TMEM135: variants seen among roughly 807,000 people sequenced by gnomAD.
The protein encoded by TMEM135 is transmembrane protein 135.
TMEM135 carries 30 observed loss-of-function variants against 60.3 expected under a neutral mutation model. That is an observed-to-expected ratio of 0.50 (90% CI 0.37 to 0.68). TMEM135 has a LOEUF of 0.68. Among genes scored for constraint, TMEM135 ranks in the 30% least tolerant of loss-of-function variants. The pLI is 0.00. For missense variants in TMEM135, 468 were observed against 548.8 expected, an observed-to-expected ratio of 0.85 and a Z score of 1.47; for synonymous variants, 190 against 186.7, an observed-to-expected ratio of 1.02 and a Z score of -0.14.
At chr11:87,311,211 G>A (rs1164493978) in intron 10 of TMEM135, among the ~76,000 whole-genome samples, 2 of 145,220 alleles carry the variant, frequency 1.4e-5, no homozygotes, top group East Asian at 4.3e-4. Flanking sequence ...GGGTAACATG[G>A]ACAGTGTTGT....
intron 6 of TMEM135, among the ~76,000 whole-genome samples, chr11:87,251,732 G>C (rs1008742090): frequency 1.3e-5 from 2 of 152,014 alleles, no homozygotes; most frequent in Non-Finnish European, 2.9e-5. Context: ...GTGACTCACT[G>C]ATGGCTAACA....
rs1248110331 is a variant in TMEM135 at position 87,246,641 on chromosome 11, T to C, written c.509+9957T>C. ...TGATACCCTTTTTTCCAGTTGATTGTGTCGGCTCCTGAGGCTTCTGCATTC... is the reference window on the plus strand; with the variant it reads ...TGATACCCTTTTTTCCAGTTGATTGCGTCGGCTCCTGAGGCTTCTGCATTC... On this transcript the variant is annotated intron_variant, in intron 6 of 14. Transcript: ENST00000305494. 4.0e-5 allele frequency among the ~76,000 whole-genome samples: 6 copies of C among 150,602 alleles called. No individual in the cohort carries two copies. The East Asian group carries it at 9.7e-4, about 24-fold the overall frequency.
chr11:87,231,949 A>G (rs1940897645), intron 5 of TMEM135, among the ~76,000 whole-genome samples: 2 of 149,874 alleles, frequency 1.3e-5, no homozygotes, highest in South Asian at 4.2e-4. Context: ...TAGAGAGAAA[A>G]GAGACTTTTT....
intron 6 of TMEM135, among the ~76,000 whole-genome samples, chr11:87,291,637 G>T (rs1942266061): frequency 7.2e-6 from 1 of 139,688 alleles, no homozygotes; most frequent in Non-Finnish European, 1.5e-5. Flanking sequence ...CACCTCCCCA[G>T]TTCCAGCGAT....
At chr11:87,167,189 C>G (rs1039497183) in intron 5 of TMEM135, among the ~76,000 whole-genome samples, 7 of 152,164 alleles carry the variant, frequency 4.6e-5, no homozygotes, top group African/African-American at 1.7e-4. Context: ...TGCCTGTCAG[C>G]TTAAGGAGAT....
At chr11:87,146,838 C>T (rs957307301) in intron 4 of TMEM135, among the ~76,000 whole-genome samples, 10 of 151,440 alleles carry the variant, frequency 6.6e-5, no homozygotes, top group African/African-American at 1.9e-4. Context: ...GTTTAAATGA[C>T]CTGCCTAAGG....
intron 3 of TMEM135, 25 bp downstream of exon 3, chr11:87,071,640 C>G: frequency 6.3e-7 from 1 of 1,586,246 alleles, no homozygotes; most frequent in Non-Finnish European, 8.6e-7. Context: ...ATTTATTTAA[C>G]GGAACTGATT....
At chr11:87,233,633 A>G (rs1219580835) in intron 5 of TMEM135, among the ~76,000 whole-genome samples, 5 of 152,126 alleles carry the variant, frequency 3.3e-5, no homozygotes, top group African/African-American at 1.2e-4. Flanking sequence ...AATCATTTAG[A>G]TAGCCACACG....
At chr11:87,124,892 A>G (rs1354089845) in intron 4 of TMEM135, among the ~76,000 whole-genome samples, 1 of 151,728 alleles carries the variant, frequency 6.6e-6, no homozygotes, top group South Asian at 2.1e-4. Context: ...TTATTTAGTC[A>G]TATTTATCTT....
intron 3 of TMEM135, among the ~76,000 whole-genome samples, chr11:87,076,869 G>A (rs1856884164): frequency 6.6e-6 from 1 of 152,120 alleles, no homozygotes. Context: ...GACTCTGCCT[G>A]GTCTCTTCTC....
chr11:87,153,002 T>TC (rs1938597125), intron 4 of TMEM135, among the ~76,000 whole-genome samples: 1 of 152,186 alleles, frequency 6.6e-6, no homozygotes, highest in Non-Finnish European at 1.5e-5. Flanking sequence ...TTACCTCTTC[T>TC]CCAGTTCTCC....
intron 5 of TMEM135, among the ~76,000 whole-genome samples, chr11:87,209,609 A>T (rs1243756630): frequency 2.6e-5 from 4 of 152,184 alleles, no homozygotes; most frequent in Admixed American, 2.6e-4. Flanking sequence ...GGGAGACTTC[A>T]ACACCCTACT....
intron 12 of TMEM135, among the ~76,000 whole-genome samples, chr11:87,316,535 A>G (rs1441670189): frequency 1.3e-5 from 2 of 152,076 alleles, no homozygotes; most frequent in Non-Finnish European, 2.9e-5. Flanking sequence ...CAAAGCTGAG[A>G]GAACAGTTAG....
intron 6 of TMEM135, among the ~76,000 whole-genome samples, chr11:87,267,280 T>G (rs1030839467): frequency 3.3e-5 from 5 of 152,176 alleles, no homozygotes; most frequent in African/African-American, 1.2e-4. Context: ...TATCATCTAT[T>G]TATTTCATTT....
At chr11:87,233,063 A>C (rs1016526956) in intron 5 of TMEM135, among the ~76,000 whole-genome samples, 4 of 152,152 alleles carry the variant, frequency 2.6e-5, no homozygotes, top group Non-Finnish European at 5.9e-5. Flanking sequence ...AAGCAGGATA[A>C]TTGCTTGAAC....
chr11:87,125,709 A>G (rs921891010), intron 4 of TMEM135, among the ~76,000 whole-genome samples: 1 of 152,204 alleles, frequency 6.6e-6, no homozygotes, highest in Non-Finnish European at 1.5e-5. Flanking sequence ...TAGGATTTGC[A>G]TTTTTAAAAC....
At chr11:87,076,357 G>A (rs941217077) in intron 3 of TMEM135, among the ~76,000 whole-genome samples, 1 of 152,224 alleles carries the variant, frequency 6.6e-6, no homozygotes, top group Non-Finnish European at 1.5e-5. Context: ...CACTGCTGAT[G>A]TTCACTTAAA....
At position 87,295,082 on chromosome 11, in the gene TMEM135, G is replaced by A. The variant is rs532202281; in HGVS notation, c.510-700G>A. On this transcript the variant is annotated intron_variant, in intron 6 of 14. Coordinates refer to ENST00000305494, the MANE Select transcript of TMEM135 (RefSeq NM_022918.4). ...GTTACTGCATTTTTTGAGCCTCTGT[G>A]TAGCAATGCAATAGAGAAAAATCTC... is the stretch of plus-strand genomic sequence containing the variant. Among the ~76,000 whole-genome samples, 240 of 152,280 alleles carry A rather than the reference G, an allele frequency of 1.6e-3. 2 individuals carry two copies. The highest frequency in any genetic ancestry group is 5.6e-3 in the African/African-American group (233 of 41,552).
intron 1 of TMEM135, among the ~76,000 whole-genome samples, chr11:87,039,697 C>T (rs1043304644): frequency 6.6e-6 from 1 of 152,180 alleles, no homozygotes; most frequent in Non-Finnish European, 1.5e-5. Flanking sequence ...CATTATTGAG[C>T]TCTTGATATA....
Sources: gnomAD v4.1 joint callset for allele counts (sites outside exome capture counted in the v4.1 genomes callset) on GRCh38, gnomAD v4.1.1 for gene constraint, MANE v1.5 for transcripts, NCBI Gene and HGNC (gene_info 2026-07-23, HGNC 2026-07-21) for gene names.